CCDC7: variants seen among roughly 807,000 people sequenced by gnomAD.
CCDC7 encodes coiled-coil domain containing 7.
Under a neutral mutation model 196.9 loss-of-function variants are expected in CCDC7, and 183 were observed. The observed-to-expected ratio is 0.93, with a 90% CI of 0.82 to 1.05. The LOEUF (loss-of-function observed/expected upper bound fraction) is 1.05. Ranked by LOEUF, CCDC7 falls within the 50% of genes least tolerant of loss-of-function variation. CCDC7 has a pLI of 0.00. For missense variants in CCDC7, 1,540 were observed against 1,482.2 expected (o/e 1.04, Z -0.64); for synonymous variants, 525 against 484.6 (o/e 1.08, Z -1.10).
chr10:32,719,689 C>A (rs2082120522), intron 25 of CCDC7, among the ~76,000 whole-genome samples: 1 of 152,084 alleles, frequency 6.6e-6, no homozygotes, highest in African/African-American at 2.4e-5. Context: ...AAACAAACAA[C>A]CTAATCAAAA....
chr10:32,707,055 G>A (rs1300556426), intron 24 of CCDC7, among the ~76,000 whole-genome samples: 1 of 152,162 alleles, frequency 6.6e-6, no homozygotes, highest in East Asian at 1.9e-4. Flanking sequence ...GATGAACATC[G>A]ATGCAAAAAT....
chr10:32,458,748 C>T (rs571652433), intron 3 of CCDC7, among the ~76,000 whole-genome samples: 16 of 152,152 alleles, frequency 1.1e-4, no homozygotes, highest in African/African-American at 3.9e-4. Context: ...TGTGGTTCCA[C>T]ATGAATTTTT....
chr10:32,697,540 C>T (rs1044600182), intron 24 of CCDC7, among the ~76,000 whole-genome samples: 23 of 152,142 alleles, frequency 1.5e-4, no homozygotes, highest in African/African-American at 4.8e-4. Flanking sequence ...CCTCGCTTGG[C>T]GGGTCCCACA....
chr10:32,748,346 C>A (rs536090413), intron 28 of CCDC7, among the ~76,000 whole-genome samples: 41 of 151,880 alleles, frequency 2.7e-4, no homozygotes, highest in African/African-American at 9.7e-4. Flanking sequence ...TCCACATGTA[C>A]CCAAAATAAT....
chr10:32,789,687 T>C (rs1208385483), intron 29 of CCDC7, among the ~76,000 whole-genome samples: 1 of 151,906 alleles, frequency 6.6e-6, no homozygotes, highest in African/African-American at 2.4e-5. Flanking sequence ...TAATGTGTGG[T>C]GATTAGGCCA....
rs2044214608 is a variant in CCDC7, at chr10:32,502,406, C to T, written c.872+10409C>T. Among the ~76,000 whole-genome samples the T allele has an allele frequency of 1.3e-5, 2 of 152,172 alleles. 1 individual carries two copies. Among genetic ancestry groups the T allele is most frequent in the South Asian group, 4.1e-4 (2 of 4,820 alleles). ...GGCTGCATCCACTGTCCAACCAGTC[C>T]TATTGAGATGTACTGGGTACCTCAG... On this transcript the variant is annotated intron_variant, in intron 9 of 41. Transcript: ENST00000639629.
chr10:32,556,146 G>T (rs1269800677), intron 13 of CCDC7, among the ~76,000 whole-genome samples: 4 of 152,068 alleles, frequency 2.6e-5, no homozygotes, highest in East Asian at 3.8e-4. Context: ...AGAATTTATG[G>T]CCATTTGTAG....
chr10:32,677,389 T>G (rs574194750), intron 21 of CCDC7, among the ~76,000 whole-genome samples: 2 of 152,044 alleles, frequency 1.3e-5, no homozygotes, highest in East Asian at 3.9e-4. Flanking sequence ...AAGAATTCCC[T>G]TTATCACTCC....
At chr10:32,708,019 T>C (rs946578623) in intron 24 of CCDC7, among the ~76,000 whole-genome samples, 3 of 151,888 alleles carry the variant, frequency 2.0e-5, no homozygotes, top group African/African-American at 7.3e-5. Context: ...GCCGAGACAA[T>C]CCTAAGTCAA....
At chr10:32,670,925 A>C (rs2073944242) in intron 21 of CCDC7, among the ~76,000 whole-genome samples, 1 of 151,716 alleles carries the variant, frequency 6.6e-6, no homozygotes, top group South Asian at 2.1e-4. Flanking sequence ...GGGATCTTTT[A>C]TTTAATGTGG....
At chr10:32,830,784 C>A (rs931053000) in intron 32 of CCDC7, among the ~76,000 whole-genome samples, 3 of 151,888 alleles carry the variant, frequency 2.0e-5, no homozygotes, top group Admixed American at 1.3e-4. Flanking sequence ...AGGGAAAGAA[C>A]AAAATAATTT....
chr10:32,745,075 A>T (rs60328286), intron 28 of CCDC7, among the ~76,000 whole-genome samples: 8,081 of 152,264 alleles, frequency 0.053, 720 homozygotes, highest in African/African-American at 0.18. Context: ...TTGAAAAGAT[A>T]TTCCTTTCGT....
chr10:32,673,654 C>CGTGTGTGTGTGTGTGTGTGTGT (rs71027102), intron 21 of CCDC7, among the ~76,000 whole-genome samples: 80 of 148,034 alleles, frequency 5.4e-4, no homozygotes, highest in African/African-American at 1.9e-3. Context: ...CCATTGTGCA[C>CGTGTGTGTGTGTGTGTGTGTGT]GTGTGTGTGT....
intron 21 of CCDC7, among the ~76,000 whole-genome samples, chr10:32,672,526 A>C (rs769932077): frequency 2.0e-5 from 3 of 152,156 alleles, no homozygotes; most frequent in African/African-American, 7.2e-5. Flanking sequence ...CTTCTTTCCC[A>C]GTAGTGGCTT....
At position 32,780,196 on chromosome 10, in the gene CCDC7, C is replaced by T. The variant is rs143970333; in HGVS notation, c.3013+1112C>T. Among the ~76,000 whole-genome samples the T allele has an allele frequency of 8.6e-3, 1,316 of 152,278 alleles. 9 individuals carry two copies. Among genetic ancestry groups the T allele is most frequent in the Middle Eastern group, 0.02 (6 of 294 alleles). On this transcript the variant is annotated intron_variant, in intron 29 of 41. Coordinates refer to ENST00000639629, the Ensembl canonical transcript of CCDC7. ...AGGTTTCAGTGAGCCGAGATCACGC[C>T]ACTGCACTCCAGCCTGGCTACAGAG...
intron 24 of CCDC7, among the ~76,000 whole-genome samples, chr10:32,710,624 C>G (rs1380356196): frequency 1.3e-5 from 2 of 152,126 alleles, no homozygotes; most frequent in Admixed American, 6.5e-5. Flanking sequence ...TTTCTAAGAC[C>G]CACTGATAGG....
At chr10:32,858,712 G>C (rs1375057451) in intron 41 of CCDC7, among the ~76,000 whole-genome samples, 1 of 151,750 alleles carries the variant, frequency 6.6e-6, no homozygotes, top group Non-Finnish European at 1.5e-5. Context: ...AAAATCTACA[G>C]CTGATGGAGG....
chr10:32,544,424 C>T (rs1354545223), intron 13 of CCDC7, 123 bp downstream of exon 14: 7 of 890,754 alleles, frequency 7.9e-6, no homozygotes, highest in Non-Finnish European at 1.1e-5. Flanking sequence ...GTGTATGTGT[C>T]TCTGTGTGTG....
rs571328715 is a variant in CCDC7 at position 32,829,933 on chromosome 10, C to A, written c.3269-4882C>A. ...ATACTAGACTGGCCTGGCCTCCCAG[C>A]CTACATCTTTATCCTGTGCTGGATG... On this transcript the variant is annotated intron_variant, in intron 32 of 41. Coordinates refer to ENST00000639629, the Ensembl canonical transcript of CCDC7. Among the ~76,000 whole-genome samples, 23 of 151,152 alleles carry A rather than the reference C, an allele frequency of 1.5e-4. No individual in the cohort carries two copies. The South Asian group carries it at 2.5e-3, about 17-fold the overall frequency.
Sources: allele counts gnomAD v4.1 joint callset (sites outside exome capture counted in the v4.1 genomes callset), GRCh38; gene constraint gnomAD v4.1.1; transcripts MANE v1.5; gene names NCBI Gene and HGNC (gene_info 2026-07-23, HGNC 2026-07-21).